Variants in NNT observed in about 807,000 individuals in gnomAD.
NNT encodes nicotinamide nucleotide transhydrogenase.
Under a neutral mutation model 104.8 loss-of-function variants are expected in NNT, and 50 were observed. That is an observed-to-expected ratio of 0.48 (90% confidence interval 0.38 to 0.60). The LOEUF (loss-of-function observed/expected upper bound fraction) is 0.60, where lower values mean the gene tolerates loss of function less well. Among genes scored for constraint, NNT ranks in the 20% least tolerant of loss-of-function variants. The pLI, the probability that NNT is intolerant of heterozygous loss-of-function variation, is 0.00. For synonymous variants in NNT, 461 were observed against 490.4 expected (o/e 0.94, Z 0.79); for missense variants, 1,131 against 1,330.7 (o/e 0.85, Z 2.33).
chr5:43,703,392 G>A (rs1428970611), intron 21 of NNT, among the ~76,000 whole-genome samples: 2 of 151,938 alleles, frequency 1.3e-5, no homozygotes, highest in Non-Finnish European at 2.9e-5. Flanking sequence ...TCTTTTTATT[G>A]TAAATATTGG....
chr5:43,669,927 G>T (rs896247625), intron 17 of NNT, among the ~76,000 whole-genome samples: 1 of 151,890 alleles, frequency 6.6e-6, no homozygotes, highest in East Asian at 1.9e-4. Flanking sequence ...TTTTTTGGTT[G>T]GTAGGCTATT....
intron 5 of NNT, among the ~76,000 whole-genome samples, chr5:43,623,746 T>G (rs573081381): frequency 1.3e-5 from 2 of 152,328 alleles, no homozygotes; most frequent in Non-Finnish European, 2.9e-5. Context: ...CTGATCATGC[T>G]TAGGTAGTTT....
intron 7 of NNT, among the ~76,000 whole-genome samples, chr5:43,633,042 C>T (rs1750760805): frequency 6.6e-6 from 1 of 152,172 alleles, no homozygotes; most frequent in South Asian, 2.1e-4. Flanking sequence ...ATGCTAAGTC[C>T]TATACCTTCC....
chr5:43,699,601 G>A (rs563525744), intron 19 of NNT, among the ~76,000 whole-genome samples: 10 of 152,132 alleles, frequency 6.6e-5, no homozygotes, highest in African/African-American at 1.7e-4. Flanking sequence ...TGATCTGCCC[G>A]TCTTGGCCTT....
intron 17 of NNT, among the ~76,000 whole-genome samples, chr5:43,673,429 A>G (rs913610905): frequency 6.6e-6 from 1 of 152,102 alleles, no homozygotes; most frequent in Admixed American, 6.5e-5. Flanking sequence ...TTGGAACCCA[A>G]TCCTCACTGG....
At chr5:43,623,686 G>A (rs1750213494) in intron 5 of NNT, among the ~76,000 whole-genome samples, 1 of 152,168 alleles carries the variant, frequency 6.6e-6, no homozygotes, top group African/African-American at 2.4e-5. Context: ...TTAGTAGAAG[G>A]AACTTTTAGA....
intron 1 of NNT, among the ~76,000 whole-genome samples, chr5:43,603,630 T>A (rs1160246860): frequency 1.3e-5 from 2 of 151,994 alleles, no homozygotes; most frequent in Non-Finnish European, 2.9e-5. Flanking sequence ...GTGCAGATAT[T>A]TGCAGCTTTG....
chr5:43,667,488 A>G (rs1327783754), intron 17 of NNT, among the ~76,000 whole-genome samples: 5 of 152,028 alleles, frequency 3.3e-5, no homozygotes, highest in African/African-American at 7.2e-5. Flanking sequence ...TCATTGTTCA[A>G]TTCCCACCTA....
Position 43,700,111 on chromosome 5 carries a change from A to C in NNT, c.2877-8A>C. 6.2e-7 allele frequency: 1 copy of C among 1,608,460 alleles called. No homozygotes were observed. The highest frequency in any genetic ancestry group is 8.5e-7 in the Non-Finnish European group (1 of 1,176,106). ...GTAAGGCCAGCTCTTCATTTGTTTC[A>C]TGTCTAGGTTTGGAATTCACCCAGT... On this transcript the variant is annotated splice_region_variant and splice_polypyrimidine_tract_variant and intron_variant, in intron 19 of 21. Transcript: ENST00000344920.
chr5:43,705,122 T>G lies in NNT; in HGVS notation c.*718T>G, dbSNP rs1743048786. 6.6e-6 allele frequency: 1 copy of G among 152,210 alleles called. No homozygotes were observed. Among genetic ancestry groups the G allele is most frequent in the African/African-American group, 2.4e-5 (1 of 41,468 alleles). 9.4% of individuals were successfully genotyped at this position (152,210 alleles called of 1,614,324 possible). A position where few individuals can be genotyped will look rare whatever the true frequency, so the allele number is the denominator to read the frequency against. On this transcript the variant is annotated 3_prime_UTR_variant, in exon 22 of 22. Transcript: ENST00000344920. ...TAATAGTATTTTTGAAGATCCCATT[T>G]CTAATTGGAGATCTCTTTAATTTCG...
chr5:43,667,955 G>A (rs528692385), intron 17 of NNT, among the ~76,000 whole-genome samples: 2 of 152,136 alleles, frequency 1.3e-5, no homozygotes, highest in Non-Finnish European at 2.9e-5. Context: ...TTTACTGATC[G>A]CCATTCTAAC....
chr5:43,617,348 A>C (rs1401912157), intron 4 of NNT, among the ~76,000 whole-genome samples: 1 of 152,224 alleles, frequency 6.6e-6, no homozygotes, highest in Non-Finnish European at 1.5e-5. Context: ...TGAGTATGGC[A>C]GGATTGTGCA....
At chr5:43,698,118 A>C (rs891015310) in intron 19 of NNT, among the ~76,000 whole-genome samples, 1 of 151,942 alleles carries the variant, frequency 6.6e-6, no homozygotes, top group South Asian at 2.1e-4. Flanking sequence ...ACATATACAC[A>C]CATATAACTT....
chr5:43,673,245 G>A (rs1741227420), intron 17 of NNT, among the ~76,000 whole-genome samples: 1 of 152,202 alleles, frequency 6.6e-6, no homozygotes, highest in Non-Finnish European at 1.5e-5. Flanking sequence ...GTGAGGCAAT[G>A]CCTCGCCCTG....
At position 43,700,164 on chromosome 5, in the gene NNT, T is replaced by A; in HGVS notation, c.2922T>A (p.Asn974Lys). 1 of 1,613,808 alleles carries A rather than the reference T, an allele frequency of 6.2e-7. No homozygotes were observed. The highest frequency in any genetic ancestry group is 8.5e-7 in the Non-Finnish European group (1 of 1,179,816). Residue 974 changes from asparagine to lysine, a missense_variant, in exon 20 of 22, where the codon AAT (asparagine) becomes AAA (lysine). By Grantham distance (94) the Asn-to-Lys change is moderately conservative. Transcript: ENST00000344920. ...CAGGCCGAATGCCTGGTCAGCTTAA[T>A]GTGCTGCTGGCTGAGGCTGGTGTGC... ...PVAGRMPGQL[N>K]VLLAEAGVPY...
intron 10 of NNT, 85 bp downstream of exon 10, chr5:43,645,595 CTATATATACGTATATATAGA>C (rs1739350392): frequency 3.0e-6 from 2 of 677,470 alleles, no homozygotes; most frequent in Middle Eastern, 5.0e-4. Context: ...ATATGTGTAG[CTATATATACGTATATATAGA>C]TATATATACA....
chr5:43,662,178 C>T (rs914566297), intron 17 of NNT, among the ~76,000 whole-genome samples: 2 of 152,026 alleles, frequency 1.3e-5, no homozygotes, highest in African/African-American at 4.8e-5. Flanking sequence ...GAGTATTCCC[C>T]ACATTTCTGT....
chr5:43,644,052 A>G (rs1751375539), intron 7 of NNT, 140 bp from the exon 8 acceptor site: 3 of 725,002 alleles, frequency 4.1e-6, no homozygotes, highest in Admixed American at 6.1e-5. Context: ...CACCCATGCT[A>G]TGGTCTTTAG....
At chr5:43,618,846 G>A (rs1749920986) in intron 4 of NNT, among the ~76,000 whole-genome samples, 186 bp from the exon 5 acceptor site, 1 of 152,158 alleles carries the variant, frequency 6.6e-6, no homozygotes, top group African/African-American at 2.4e-5. Flanking sequence ...CCATAGGCTT[G>A]TTGTGCAAAT....
Sources: gnomAD v4.1 joint callset for allele counts (sites outside exome capture counted in the v4.1 genomes callset) on GRCh38, gnomAD v4.1.1 for gene constraint, MANE v1.5 for transcripts, NCBI Gene and HGNC (gene_info 2026-07-23, HGNC 2026-07-21) for gene names.